FSHR: variants seen among roughly 807,000 people sequenced by gnomAD.
FSHR encodes follicle stimulating hormone receptor, also known as follicle-stimulating hormone receptor.
A neutral mutation model predicts 52.1 loss-of-function variants in FSHR; 46 were observed. The ratio of observed to expected loss-of-function variants is 0.88; its 90% CI spans 0.70 to 1.13. The LOEUF (loss-of-function observed/expected upper bound fraction) is 1.13, where lower values mean the gene tolerates loss of function less well. Among genes scored for constraint, FSHR ranks in the 50% most tolerant of loss-of-function variants. The pLI is 0.00. For synonymous variants in FSHR, 399 were observed against 309.6 expected (o/e 1.29, Z -3.03); for missense variants, 964 against 834.6 (o/e 1.16, Z -1.91).
At chr2:49,050,600 C>G (rs1668821600) in intron 2 of FSHR, among the ~76,000 whole-genome samples, 3 of 152,144 alleles carry the variant, frequency 2.0e-5, no homozygotes, top group Admixed American at 1.3e-4. Flanking sequence ...GGTTTAAATC[C>G]TAGCTTCACC....
rs190497141 is a variant in FSHR at position 49,044,488 on chromosome 2, C to G, written c.224+23731G>C. On this transcript the variant is annotated intron_variant, in intron 2 of 9. Coordinates refer to ENST00000406846, the MANE Select transcript of FSHR (RefSeq NM_000145.4). ...TGGAGGAAGGGCATTAAATGGCAAT[C>G]TCAGTCCAGTGATTAGCTCTGCAGC... is the stretch of plus-strand genomic sequence containing the variant. Among the ~76,000 whole-genome samples the G allele has an allele frequency of 3.3e-5, 5 of 152,274 alleles. No homozygotes were observed. In the East Asian group the frequency reaches 9.6e-4, roughly 29 times the overall value.
At chr2:49,074,745 C>T (rs984416999) in intron 1 of FSHR, among the ~76,000 whole-genome samples, 1 of 151,792 alleles carries the variant, frequency 6.6e-6, no homozygotes, top group African/African-American at 2.4e-5. Flanking sequence ...TGCAGCACTA[C>T]TCCAATAGCT....
rs144491060 is a variant in FSHR at position 49,097,043 on chromosome 2, T to C, written c.153-28753A>G. 1.3e-3 allele frequency among the ~76,000 whole-genome samples: 203 copies of C among 152,358 alleles called. 4 individuals are homozygous for C. The highest frequency in any genetic ancestry group is 5.2e-4 in the Admixed American group (8 of 15,306). On this transcript the variant is annotated intron_variant, in intron 1 of 9. Transcript: ENST00000406846. ...CTATGAGCCAATTAAATCTCTTTTC[T>C]TTATAAATTATCCAGTCTCAGTTAT...
At chr2:49,089,440 G>T (rs1441442717) in intron 1 of FSHR, among the ~76,000 whole-genome samples, 3 of 152,126 alleles carry the variant, frequency 2.0e-5, no homozygotes, top group Non-Finnish European at 4.4e-5. Flanking sequence ...TAGCATACAT[G>T]TTGAAATAGA....
chr2:48,980,790 C>G (rs1297039192), intron 8 of FSHR, among the ~76,000 whole-genome samples: 1 of 152,146 alleles, frequency 6.6e-6, no homozygotes, highest in Non-Finnish European at 1.5e-5. Flanking sequence ...TGATCTTTAA[C>G]AGATCACTCT....
At chr2:49,094,826 A>G (rs1670760945) in intron 1 of FSHR, among the ~76,000 whole-genome samples, 1 of 152,124 alleles carries the variant, frequency 6.6e-6, no homozygotes, top group Non-Finnish European at 1.5e-5. Flanking sequence ...ATAGAAAAAC[A>G]ATATAAAAAA....
chr2:49,063,498 G>A (rs1054380409), intron 2 of FSHR, among the ~76,000 whole-genome samples: 1 of 152,030 alleles, frequency 6.6e-6, no homozygotes, highest in Non-Finnish European at 1.5e-5. Flanking sequence ...ATGAAAGGGA[G>A]CAAAATTCTA....
At chr2:49,085,891 G>A (rs533531497) in intron 1 of FSHR, among the ~76,000 whole-genome samples, 197 of 150,244 alleles carry the variant, frequency 1.3e-3, no homozygotes, top group Non-Finnish European at 2.3e-3. Flanking sequence ...GCGTGTTCTC[G>A]CTCATAGGTG....
chr2:48,974,699 A>G (rs1224666128), intron 8 of FSHR, among the ~76,000 whole-genome samples: 1 of 152,246 alleles, frequency 6.6e-6, no homozygotes, highest in Non-Finnish European at 1.5e-5. Context: ...ACTGACAGAA[A>G]ATACAACATA....
intron 1 of FSHR, among the ~76,000 whole-genome samples, chr2:49,080,449 A>T (rs1275211583): frequency 6.6e-6 from 1 of 152,202 alleles, no homozygotes; most frequent in Non-Finnish European, 1.5e-5. Flanking sequence ...ACCCTCAAGT[A>T]TGAACATAAA....
chr2:49,148,124 A>G (rs1021847728), intron 1 of FSHR, among the ~76,000 whole-genome samples: 10 of 152,078 alleles, frequency 6.6e-5, no homozygotes, highest in African/African-American at 2.4e-4. Flanking sequence ...TTGTTTGGGC[A>G]AAATCACTTT....
At chr2:49,024,011 C>T (rs1459004998) in intron 2 of FSHR, among the ~76,000 whole-genome samples, 1 of 152,102 alleles carries the variant, frequency 6.6e-6, no homozygotes, top group East Asian at 1.9e-4. Flanking sequence ...TGGTCTGCTC[C>T]AGCATGAAAT....
intron 2 of FSHR, among the ~76,000 whole-genome samples, chr2:49,055,531 C>CAAAAA (rs75665223): frequency 3.5e-4 from 18 of 51,142 alleles, no homozygotes; most frequent in East Asian, 4.8e-4. Context: ...CCAGGAAGCT[C>CAAAAA]AAAAAAAAAA....
intron 2 of FSHR, among the ~76,000 whole-genome samples, chr2:49,061,783 T>TCATATATAACTATATAGTTATATATAG: frequency 7.0e-6 from 1 of 142,054 alleles, no homozygotes; most frequent in South Asian, 2.2e-4. Flanking sequence ...ACTCTATATA[T>TCATATATAACTATATAGTTATATATAG]TCATATATAA....
chr2:48,963,453 T>G lies in FSHR; in HGVS notation c.1368A>C (p.Ser456=). The change falls in exon 10 of 10, where the codon TCA becomes TCC. Residue 456 remains serine (S), a synonymous_variant. Coordinates refer to ENST00000406846, the MANE Select transcript of FSHR (RefSeq NM_000145.4). ...AGGTGATAGCTGTCAGAGTGTAGAC[T>G]GACAGCTCACTGGCAAAGACAGTGA... ...GFFTVFASEL[S]VYTLTAITLE... is the part of the protein sequence containing the mutation. The G allele has an allele frequency of 6.2e-7, 1 of 1,614,128 alleles. No individual in the cohort carries two copies. The highest frequency in any genetic ancestry group is 8.5e-7 in the Non-Finnish European group (1 of 1,179,994).
intron 1 of FSHR, among the ~76,000 whole-genome samples, chr2:49,090,172 T>G (rs904976525): frequency 6.6e-6 from 1 of 151,872 alleles, no homozygotes; most frequent in South Asian, 2.1e-4. Flanking sequence ...TGTGTAAAAT[T>G]CTATGAGTTT....
chr2:49,113,197 G>A (rs942986131), intron 1 of FSHR, among the ~76,000 whole-genome samples: 1 of 152,162 alleles, frequency 6.6e-6, no homozygotes, highest in South Asian at 2.1e-4. Flanking sequence ...GACATGTGGG[G>A]CTCCAAGTCC....
At chr2:49,032,698 C>T (rs1050836881) in intron 2 of FSHR, among the ~76,000 whole-genome samples, 5 of 152,032 alleles carry the variant, frequency 3.3e-5, no homozygotes, top group Non-Finnish European at 2.9e-5. Flanking sequence ...GGTGATTTAC[C>T]CAAGGCCACA....
intron 1 of FSHR, among the ~76,000 whole-genome samples, chr2:49,097,413 T>G (rs980960238): frequency 6.6e-6 from 1 of 152,224 alleles, no homozygotes; most frequent in Admixed American, 6.5e-5. Context: ...TTCACAATTT[T>G]GGCTTTTGTA....
Sources: gnomAD v4.1 joint callset for allele counts (sites outside exome capture counted in the v4.1 genomes callset) on GRCh38, gnomAD v4.1.1 for gene constraint, MANE v1.5 for transcripts, NCBI Gene and HGNC (gene_info 2026-07-23, HGNC 2026-07-21) for gene names.